ASIC2: variants seen among roughly 807,000 people sequenced by gnomAD.
The protein encoded by ASIC2 is acid sensing ion channel subunit 2.
ASIC2 carries 25 observed loss-of-function variants against 57.3 expected under a neutral mutation model. That is an observed-to-expected ratio of 0.44 (90% CI 0.32 to 0.61). The LOEUF (loss-of-function observed/expected upper bound fraction) is 0.61, where lower values mean the gene tolerates loss of function less well. Ranked by LOEUF, ASIC2 falls within the 20% of genes least tolerant of loss-of-function variation. ASIC2 has a pLI of 0.06. For synonymous variants in ASIC2, 319 were observed against 307.5 expected (o/e 1.04, Z -0.39); for missense variants, 641 against 738.1 (o/e 0.87, Z 1.52).
chr17:33,834,090 C>T (rs1453787108), intron 1 of ASIC2: 1 of 152,200 alleles, frequency 6.6e-6, no homozygotes, highest in Non-Finnish European at 1.5e-5. Flanking sequence ...GTAAAATAAA[C>T]TATTGCATAT....
Position 33,192,260 on chromosome 17 carries a change from G to A in ASIC2, c.709-80193C>T, listed in dbSNP as rs189834062. Among the ~76,000 whole-genome samples the A allele has an allele frequency of 4.9e-3, 747 of 152,256 alleles. 6 individuals carry two copies. The highest frequency in any genetic ancestry group is 6.6e-3 in the Non-Finnish European group (448 of 68,024). ...TAGCCAGGCATGTTGGTGGGTGCCTGTAATCCCATCTACTTGGGAGGCTGA... is the reference window on the plus strand; with the variant it reads ...TAGCCAGGCATGTTGGTGGGTGCCTATAATCCCATCTACTTGGGAGGCTGA... On this transcript the variant is annotated intron_variant, in intron 1 of 9. Transcript: ENST00000225823.
At chr17:33,951,792 T>C (rs35225708) in intron 1 of ASIC2, among the ~76,000 whole-genome samples, 2,295 of 150,348 alleles carry the variant, frequency 0.015, 77 homozygotes, top group African/African-American at 0.053. Flanking sequence ...CAGGGTTTCA[T>C]CATGTTGGCC....
At chr17:33,108,750 G>A (rs1193744828) in intron 2 of ASIC2, among the ~76,000 whole-genome samples, 1 of 152,188 alleles carries the variant, frequency 6.6e-6, no homozygotes, top group Non-Finnish European at 1.5e-5. Context: ...GGAATTCAAG[G>A]GTCTGGCTGA....
intron 1 of ASIC2, among the ~76,000 whole-genome samples, chr17:33,805,732 C>A (rs1912249710): frequency 6.6e-6 from 1 of 152,152 alleles, no homozygotes; most frequent in Non-Finnish European, 1.5e-5. Flanking sequence ...TGGACATTAG[C>A]ATATAAAAAT....
intron 1 of ASIC2, among the ~76,000 whole-genome samples, chr17:33,135,248 ATGCCTT>A (rs1331467874): frequency 6.6e-6 from 1 of 151,934 alleles, no homozygotes; most frequent in African/African-American, 2.4e-5. Context: ...TCATCCCTCC[ATGCCTT>A]TGCCACTGCT....
chr17:33,643,468 A>G (rs1459521893), intron 1 of ASIC2, among the ~76,000 whole-genome samples: 1 of 152,202 alleles, frequency 6.6e-6, no homozygotes, highest in African/African-American at 2.4e-5. Context: ...TATTTTCAAC[A>G]TATAGTCACA....
chr17:33,177,097 T>C (rs1381878844), intron 1 of ASIC2, among the ~76,000 whole-genome samples: 1 of 152,196 alleles, frequency 6.6e-6, no homozygotes, highest in East Asian at 1.9e-4. Context: ...GCAATTCCTC[T>C]AGAGTAATAA....
intron 1 of ASIC2, among the ~76,000 whole-genome samples, chr17:33,733,144 G>A (rs1241175810): frequency 1.3e-5 from 2 of 152,002 alleles, no homozygotes; most frequent in African/African-American, 4.8e-5. Flanking sequence ...ATAATTATTG[G>A]CCCTAACCCT....
At chr17:33,790,799 C>G (rs1175308095) in intron 1 of ASIC2, among the ~76,000 whole-genome samples, 4 of 152,138 alleles carry the variant, frequency 2.6e-5, no homozygotes, top group African/African-American at 9.7e-5. Flanking sequence ...GACGATCTAA[C>G]AACAATAACA....
chr17:33,642,104 A>C (rs1906584989), intron 1 of ASIC2, among the ~76,000 whole-genome samples: 1 of 152,122 alleles, frequency 6.6e-6, no homozygotes, highest in African/African-American at 2.4e-5. Flanking sequence ...GGGCAACCAG[A>C]CTGGCTATGG....
At chr17:33,786,547 TTAGAG>T (rs67940039) in intron 1 of ASIC2, among the ~76,000 whole-genome samples, 6,726 of 152,320 alleles carry the variant, frequency 0.044, 342 homozygotes, top group African/African-American at 0.13. Flanking sequence ...TATTTTAATC[TTAGAG>T]TAAAGAATGG....
chr17:33,496,895 G>A (rs1183255744), intron 1 of ASIC2, among the ~76,000 whole-genome samples: 1 of 152,124 alleles, frequency 6.6e-6, no homozygotes, highest in Non-Finnish European at 1.5e-5. Flanking sequence ...TGGGATTACA[G>A]GTGTGAGCCA....
chr17:34,156,608 G>A lies in ASIC2; in HGVS notation c.-76C>T. On this transcript the variant is annotated 5_prime_UTR_variant, in exon 1 of 10. Coordinates refer to the ASIC2 transcript ENST00000359872. The surrounding 1 kb of genome is among the most constrained non-coding windows in gnomAD (Gnocchi z 4.4). ...GAAGAGCTCCCAGTCCTCGGGCTCT[G>A]CTTAAACCTTGACGTTCAGGGGAGA... 6.9e-7 allele frequency: 1 copy of A among 1,446,122 alleles called. No individual in the cohort carries two copies. The highest frequency in any genetic ancestry group is 1.4e-5 in the South Asian group (1 of 71,434). The allele number at this position is 1,446,122 out of a possible 1,614,324, so 89.6% of individuals were successfully genotyped here.
rs557052590 is a variant in ASIC2, at chr17:33,578,946, T to A, written c.556-466879A>T. Among the ~76,000 whole-genome samples, 7 of 152,318 alleles carry A rather than the reference T, an allele frequency of 4.6e-5. No individual in the cohort carries two copies. The South Asian group carries it at 1.5e-3, about 32-fold the overall frequency. On this transcript the variant is annotated intron_variant, in intron 1 of 9. Transcript: ENST00000359872. Reference sequence around the variant, plus strand: ...GTCAGAATTCTCTAGCTTCTGCTGCTGCATCCTCACCTGGTCCTAGGGAGC... The same window carrying A: ...GTCAGAATTCTCTAGCTTCTGCTGCAGCATCCTCACCTGGTCCTAGGGAGC...
At chr17:34,040,146 GAC>G (rs1555585194) in intron 1 of ASIC2, among the ~76,000 whole-genome samples, 56 of 104,716 alleles carry the variant, frequency 5.3e-4, no homozygotes, top group African/African-American at 1.2e-3. Flanking sequence ...GCGGCCACGG[GAC>G]CGGCCTCCTG....
chr17:33,443,559 G>A (rs565075211), intron 1 of ASIC2, among the ~76,000 whole-genome samples: 5 of 137,704 alleles, frequency 3.6e-5, no homozygotes, highest in South Asian at 2.6e-4. Flanking sequence ...GACTACAGGC[G>A]CCCGCCACTA....
At chr17:34,091,828 A>C (rs2142088548) in intron 1 of ASIC2, among the ~76,000 whole-genome samples, 1 of 152,306 alleles carries the variant, frequency 6.6e-6, no homozygotes, top group East Asian at 1.9e-4. Context: ...TTGGAATCAG[A>C]TTCATATACA....
chr17:33,325,361 G>T (rs141240254), intron 1 of ASIC2, among the ~76,000 whole-genome samples: 1 of 152,210 alleles, frequency 6.6e-6, no homozygotes, highest in African/African-American at 2.4e-5. Context: ...GATGGTACCT[G>T]CAGGCTGAAC....
At chr17:33,973,014 T>C (rs754899419) in intron 1 of ASIC2, among the ~76,000 whole-genome samples, 8 of 152,236 alleles carry the variant, frequency 5.3e-5, no homozygotes, top group Non-Finnish European at 7.3e-5. Flanking sequence ...GAGTTATGCC[T>C]AGGGCCAGCC....
Sources: allele counts gnomAD v4.1 joint callset (sites outside exome capture counted in the v4.1 genomes callset), GRCh38; gene constraint gnomAD v4.1.1; non-coding constraint Gnocchi (gnomAD v3.1); transcripts MANE v1.5; gene names NCBI Gene and HGNC (gene_info 2026-07-23, HGNC 2026-07-21).